DNAH6: variants seen among roughly 807,000 people sequenced by gnomAD.
DNAH6 encodes the protein axonemal beta dynein heavy chain 6.
A neutral mutation model predicts 491.4 loss-of-function variants in DNAH6; 340 were observed. The ratio of observed to expected loss-of-function variants is 0.69; its 90% CI spans 0.63 to 0.76. The LOEUF (loss-of-function observed/expected upper bound fraction) is 0.76, where lower values mean the gene tolerates loss of function less well. Among genes scored for constraint, DNAH6 ranks in the 30% least tolerant of loss-of-function variants. The probability of loss-of-function intolerance (pLI) is 0.00; values close to 1 mark genes in which losing one functional copy is unlikely to be tolerated. For missense variants in DNAH6, 4,443 were observed against 4,972.2 expected (o/e 0.89, Z 3.20); for synonymous variants, 1,603 against 1,686.1 (o/e 0.95, Z 1.21).
chr2:84,492,430 TG>T, the DNAH6 span, among the ~76,000 whole-genome samples: 1 of 152,228 alleles, frequency 6.6e-6, no homozygotes, highest in African/African-American at 2.4e-5. Flanking sequence ...CAGACCTGTG[TG>T]GTGCCACAAA....
chr2:84,624,549 G>A lies in DNAH6; in HGVS notation c.4282G>A (p.Ala1428Thr), dbSNP rs1245747391. ...CCTGGATAATTGTGTGGCTAGAATG[G>A]CGCTCTCTCAGTACACTTATGGCTA... ...IDLDNCVARM[A>T]LSQYTYGYEY... The change falls in exon 28 of 77, where the codon GCG becomes ACG. Residue 1428 changes from alanine (A) to threonine (T), a missense_variant. By Grantham distance (58) the Ala-to-Thr change is moderately conservative (BLOSUM62 0). Around this residue, in one of 3 missense-constraint regions of DNAH6, gnomAD observed 2,977 missense variants for 3,296.6 expected, o/e 0.90. Transcript: ENST00000389394. 6.4e-7 allele frequency: 1 copy of A among 1,551,722 alleles called. No individual in the cohort carries two copies. The highest frequency in any genetic ancestry group is 2.0e-5 in the Admixed American group (1 of 51,002).
the DNAH6 span, among the ~76,000 whole-genome samples, chr2:84,466,364 C>T: frequency 2.0e-5 from 3 of 152,206 alleles, no homozygotes; most frequent in Non-Finnish European, 4.4e-5. Context: ...ATTCTTATTG[C>T]ACTTATGCAA....
Position 84,741,740 on chromosome 2 carries a change from G to T in DNAH6, c.10343-3340G>T, listed in dbSNP as rs1369138301. On this transcript the variant is annotated intron_variant, in intron 62 of 76. Coordinates refer to ENST00000389394, the MANE Select transcript of DNAH6 (RefSeq NM_001370.2). ...GTGTCTGTAAATCCCCAGGATCTGG[G>T]TTCTCAAAATGGCACCCAGCTGAGG... 2.0e-5 allele frequency among the ~76,000 whole-genome samples: 3 copies of T among 152,294 alleles called. No individual in the cohort carries two copies. In the East Asian group the frequency reaches 5.8e-4, roughly 29 times the overall value.
intron 11 of DNAH6, 123 bp downstream of exon 11, chr2:84,558,058 C>A: frequency 1.7e-6 from 1 of 582,750 alleles, no homozygotes; most frequent in Non-Finnish European, 2.8e-6. Flanking sequence ...ATGCCTAAAT[C>A]TCTAAATGGT....
intron 29 of DNAH6, among the ~76,000 whole-genome samples, chr2:84,628,534 T>C (rs1271624656): frequency 6.6e-6 from 1 of 152,186 alleles, no homozygotes; most frequent in African/African-American, 2.4e-5. Flanking sequence ...CAGGATTTGG[T>C]CTACTTTGAA....
intron 23 of DNAH6, among the ~76,000 whole-genome samples, 159 bp downstream of exon 23, chr2:84,617,141 A>G (rs894409723): frequency 1.3e-5 from 2 of 152,116 alleles, no homozygotes; most frequent in East Asian, 3.9e-4. Context: ...TGAGGAGTAT[A>G]AGTCTCAAGG....
rs1684514471 is a variant in DNAH6, at chr2:84,595,736, C to T, written c.2815C>T (p.Pro939Ser). The change falls in exon 18 of 77, where the codon CCC becomes TCC. Residue 939 changes from proline (P) to serine (S), a missense_variant. Around this residue, in one of 3 missense-constraint regions of DNAH6, gnomAD observed 2,977 missense variants for 3,296.6 expected, o/e 0.90. Transcript: ENST00000389394. The part of the protein sequence containing the change: ...FVTQLEKGLP[P>S]NSVVPQLKYK... ...GACTCAACTGGAAAAAGGCTTGCCA[C>T]CCAACAGTGTAGTGCCCCAGCTCAA... The T allele has an allele frequency of 1.3e-6, 2 of 1,550,946 alleles. No individual in the cohort carries two copies. The highest frequency in any genetic ancestry group is 1.4e-5 in the African/African-American group (1 of 72,942).
intron 62 of DNAH6, 128 bp from the exon 63 acceptor site, chr2:84,744,952 G>T: frequency 1.9e-6 from 1 of 523,024 alleles, no homozygotes. Flanking sequence ...GGAGACTGAT[G>T]TATTTATAGT....
At chr2:84,574,032 C>T (rs1427021097) in intron 12 of DNAH6, among the ~76,000 whole-genome samples, 1 of 152,038 alleles carries the variant, frequency 6.6e-6, no homozygotes, top group Non-Finnish European at 1.5e-5. Flanking sequence ...TGAAATAAGA[C>T]CTAGGAGAAA....
At chr2:84,581,493 GAT>G (rs1683019690) in intron 14 of DNAH6, among the ~76,000 whole-genome samples, 1 of 152,184 alleles carries the variant, frequency 6.6e-6, no homozygotes, top group African/African-American at 2.4e-5. Flanking sequence ...ATAGGAATAA[GAT>G]ACTGTTGTAA....
chr2:84,700,985 G>C, intron 48 of DNAH6, 112 bp from the exon 49 acceptor site: 1 of 1,243,252 alleles, frequency 8.0e-7, no homozygotes, highest in Admixed American at 2.4e-5. Flanking sequence ...TTAACTAGGT[G>C]AAGAGGGGAC....
At chr2:84,534,547 A>G (rs536324191) in intron 4 of DNAH6, among the ~76,000 whole-genome samples, 5 of 152,188 alleles carry the variant, frequency 3.3e-5, no homozygotes, top group South Asian at 2.1e-4. Flanking sequence ...TGTTTTGTGT[A>G]TGTGAGAAAC....
At chr2:84,528,842 T>C (rs1676863959) in intron 3 of DNAH6, 62 bp from the exon 4 acceptor site, 1 of 1,422,744 alleles carries the variant, frequency 7.0e-7, no homozygotes, top group African/African-American at 1.4e-5. Context: ...TAATATTTTG[T>C]TGCTCTTGTG....
intron 62 of DNAH6, among the ~76,000 whole-genome samples, chr2:84,743,516 A>G (rs923036563): frequency 6.6e-6 from 1 of 152,032 alleles, no homozygotes; most frequent in Non-Finnish European, 1.5e-5. Context: ...TCCTATTGGG[A>G]GTTATTTAAA....
At chr2:84,687,305 A>G (rs1271720973) in intron 44 of DNAH6, among the ~76,000 whole-genome samples, 1 of 152,126 alleles carries the variant, frequency 6.6e-6, no homozygotes, top group Admixed American at 6.5e-5. Context: ...AAACATTCCC[A>G]GTGTCTCCAA....
At chr2:84,466,865 G>A in the DNAH6 span, among the ~76,000 whole-genome samples, 1 of 152,146 alleles carries the variant, frequency 6.6e-6, no homozygotes, top group Non-Finnish European at 1.5e-5. Context: ...TACCTCTGTG[G>A]CATACAATAA....
Position 84,784,733 on chromosome 2 carries a change from A to G in DNAH6, c.10876A>G (p.Lys3626Glu). Residue 3626 changes from lysine to glutamate, a missense_variant, in exon 66 of 77, where the codon AAG becomes GAG. Around this residue, in one of 3 missense-constraint regions of DNAH6, gnomAD observed 1,463 missense variants for 1,656.6 expected, o/e 0.88. Coordinates refer to ENST00000389394, the MANE Select transcript of DNAH6 (RefSeq NM_001370.2). ...KTFTDPDSAI[K>E]DTFRLFLSSM... ...TTTGTTTTAAGCAGATAGTGCTATC[A>G]AGGACACTTTTCGACTTTTTTTAAG... 6.5e-7 allele frequency: 1 copy of G among 1,549,040 alleles called. No individual in the cohort carries two copies. Among genetic ancestry groups the G allele is most frequent in the South Asian group, 1.2e-5 (1 of 83,998 alleles).
intron 64 of DNAH6, among the ~76,000 whole-genome samples, chr2:84,778,991 C>T (rs763267907): frequency 6.6e-6 from 1 of 152,130 alleles, no homozygotes; most frequent in South Asian, 2.1e-4. Flanking sequence ...TTTAATTCCA[C>T]TGTTGTCTGA....
At chr2:84,688,333 C>T in intron 44 of DNAH6, 106 bp from the exon 45 acceptor site, 2 of 944,804 alleles carry the variant, frequency 2.1e-6, no homozygotes, top group South Asian at 2.5e-5. Flanking sequence ...TTGCAAAGAC[C>T]TTCAAAATTC....
Sources: allele counts gnomAD v4.1 joint callset (sites outside exome capture counted in the v4.1 genomes callset), GRCh38; gene constraint gnomAD v4.1.1; regional missense constraint gnomAD v4.1.1; transcripts MANE v1.5; gene names NCBI Gene and HGNC (gene_info 2026-07-23, HGNC 2026-07-21).